PTPRD: variants seen among roughly 807,000 people sequenced by gnomAD.
The protein encoded by PTPRD is protein tyrosine phosphatase receptor type D.
In PTPRD, 34 loss-of-function variants were observed where a neutral mutation model predicts 214.5. The ratio of observed to expected loss-of-function variants is 0.16; its 90% confidence interval spans 0.12 to 0.21. The LOEUF (loss-of-function observed/expected upper bound fraction) is 0.21. PTPRD is among the 10% of genes least tolerant of loss of function. The pLI is 1.00. For synonymous variants in PTPRD, 1,128 were observed against 845.7 expected, an observed-to-expected ratio of 1.33 and a Z score of -5.79; for missense variants, 2,545 against 2,398.7, an observed-to-expected ratio of 1.06 and a Z score of -1.27.
At chr9:8,670,381 T>C (rs1287916189) in intron 12 of PTPRD, among the ~76,000 whole-genome samples, 1 of 152,168 alleles carries the variant, frequency 6.6e-6, no homozygotes, top group Non-Finnish European at 1.5e-5. Flanking sequence ...ACACAGAGAA[T>C]GAAACAGTGG....
At chr9:10,105,028 T>C (rs1179551935) in intron 3 of PTPRD, among the ~76,000 whole-genome samples, 3 of 151,934 alleles carry the variant, frequency 2.0e-5, no homozygotes, top group African/African-American at 7.2e-5. Flanking sequence ...ATGCTTTACA[T>C]TTCAGTCCAT....
At chr9:9,653,530 A>C (rs1466449365) in intron 7 of PTPRD, among the ~76,000 whole-genome samples, 1 of 152,156 alleles carries the variant, frequency 6.6e-6, no homozygotes, top group Non-Finnish European at 1.5e-5. Flanking sequence ...TCAGTTAAAC[A>C]AAAGCAGTCA....
At chr9:8,986,389 C>G (rs2099345225) in intron 11 of PTPRD, among the ~76,000 whole-genome samples, 1 of 151,736 alleles carries the variant, frequency 6.6e-6, no homozygotes, top group African/African-American at 2.4e-5. Context: ...AAATACAAAT[C>G]AAGAGTTAAC....
intron 10 of PTPRD, among the ~76,000 whole-genome samples, chr9:9,022,422 T>A (rs1456454815): frequency 6.6e-6 from 1 of 152,156 alleles, no homozygotes; most frequent in African/African-American, 2.4e-5. Context: ...ATTTTTATTG[T>A]ACCTTTTCCT....
intron 4 of PTPRD, among the ~76,000 whole-genome samples, chr9:9,971,077 G>C (rs1050686662): frequency 6.6e-6 from 1 of 151,922 alleles, no homozygotes; most frequent in Non-Finnish European, 1.5e-5. Flanking sequence ...ATTTTTAATT[G>C]GTTCTATTTG....
intron 4 of PTPRD, among the ~76,000 whole-genome samples, chr9:9,951,600 C>T (rs2093460199): frequency 6.6e-6 from 1 of 152,208 alleles, no homozygotes; most frequent in Non-Finnish European, 1.5e-5. Context: ...GCCTGGAGGG[C>T]ATACATGGAT....
intron 5 of PTPRD, among the ~76,000 whole-genome samples, chr9:9,852,052 T>C (rs1227669474): frequency 6.6e-6 from 1 of 152,094 alleles, no homozygotes; most frequent in Non-Finnish European, 1.5e-5. Flanking sequence ...ACTCTTCTCA[T>C]CTGCAGAGCA....
chr9:9,352,937 G>A (rs2052038523), intron 9 of PTPRD, among the ~76,000 whole-genome samples: 1 of 151,884 alleles, frequency 6.6e-6, no homozygotes, highest in South Asian at 2.1e-4. Flanking sequence ...TAACTCTAAT[G>A]GATACAAAAG....
chr9:10,047,743 C>T (rs1482362316), intron 3 of PTPRD, among the ~76,000 whole-genome samples: 2 of 152,056 alleles, frequency 1.3e-5, no homozygotes, highest in African/African-American at 2.4e-5. Flanking sequence ...TGTTTACTTC[C>T]TTGAAAAATC....
chr9:9,957,729 G>T (rs1337688730), intron 4 of PTPRD, among the ~76,000 whole-genome samples: 1 of 152,048 alleles, frequency 6.6e-6, no homozygotes, highest in Non-Finnish European at 1.5e-5. Flanking sequence ...ACCCAGAATA[G>T]CTAACACAAT....
chr9:9,467,734 G>C lies in PTPRD; in HGVS notation c.-236-70252C>G, dbSNP rs547484704. On this transcript the variant is annotated intron_variant, in intron 8 of 45. Transcript: ENST00000381196. ...ACTTCTATAGTTTATCTTTTAAAAAGTTTTAAGTAGGTATTGACTTTTCTG... is the reference window on the plus strand; with the variant it reads ...ACTTCTATAGTTTATCTTTTAAAAACTTTTAAGTAGGTATTGACTTTTCTG... Among the ~76,000 whole-genome samples the C allele has an allele frequency of 7.3e-5, 11 of 151,474 alleles. No homozygotes were observed. In the East Asian group the frequency reaches 2.1e-3, roughly 29 times the overall value.
At chr9:10,592,188 A>G (rs1026917546) in intron 2 of PTPRD, among the ~76,000 whole-genome samples, 9 of 152,036 alleles carry the variant, frequency 5.9e-5, no homozygotes, top group African/African-American at 1.2e-4. Flanking sequence ...CCAGGAAGAT[A>G]GCTATATGAC....
intron 35 of PTPRD, among the ~76,000 whole-genome samples, chr9:8,418,605 C>A (rs1178445550): frequency 2.0e-5 from 3 of 150,096 alleles, no homozygotes; most frequent in Non-Finnish European, 4.4e-5. Flanking sequence ...TTTCTTGTCT[C>A]AATTTCTGTG....
intron 4 of PTPRD, among the ~76,000 whole-genome samples, chr9:9,939,714 T>G (rs993061209): frequency 6.6e-6 from 1 of 152,164 alleles, no homozygotes; most frequent in Non-Finnish European, 1.5e-5. Flanking sequence ...GAAATCTGTC[T>G]TCTGGTGTCA....
In PTPRD at chr9:9,256,183, C is replaced by A. The variant is rs1209568869; in HGVS notation, c.-202-72820G>T. ...GACAGAGCCAAGACTAAATCCAATT[C>A]CTTTTCTCCTTGGACCACAAAGAAG... On this transcript the variant is annotated intron_variant, in intron 9 of 45. Transcript: ENST00000381196. 2.6e-5 allele frequency among the ~76,000 whole-genome samples: 4 copies of A among 152,050 alleles called. No homozygotes were observed. The East Asian group carries it at 7.8e-4, about 30-fold the overall frequency.
chr9:8,373,643 GTGTGTGTGTGTGTA>G (rs370691419), intron 39 of PTPRD, among the ~76,000 whole-genome samples: 1 of 79,768 alleles, frequency 1.3e-5, no homozygotes, highest in Non-Finnish European at 3.5e-5. Context: ...GTGTGTGTGT[GTGTGTGTGTGTGTA>G]TTTTCTCAAA....
chr9:9,161,385 C>T (rs1451944579), intron 10 of PTPRD, among the ~76,000 whole-genome samples: 2 of 152,040 alleles, frequency 1.3e-5, no homozygotes, highest in East Asian at 3.9e-4. Flanking sequence ...AGATCTAACT[C>T]TTCTTTTTCA....
chr9:9,125,731 T>C (rs1336151232), intron 10 of PTPRD, among the ~76,000 whole-genome samples: 2 of 152,332 alleles, frequency 1.3e-5, no homozygotes, highest in Non-Finnish European at 2.9e-5. Flanking sequence ...GGTACAATTA[T>C]GTGTGGCAGA....
chr9:9,918,663 C>A (rs1484876948), intron 5 of PTPRD, among the ~76,000 whole-genome samples: 1 of 152,068 alleles, frequency 6.6e-6, no homozygotes, highest in Non-Finnish European at 1.5e-5. Context: ...CACTACAAAG[C>A]TGTAGTAACT....
Sources: gnomAD v4.1 joint callset for allele counts (sites outside exome capture counted in the v4.1 genomes callset) on GRCh38, gnomAD v4.1.1 for gene constraint, MANE v1.5 for transcripts, NCBI Gene and HGNC (gene_info 2026-07-23, HGNC 2026-07-21) for gene names.